Variants in PCDHA11 observed in about 807,000 individuals in gnomAD.
PCDHA11 encodes protocadherin alpha-11.
Under a neutral mutation model 70.3 loss-of-function variants are expected in PCDHA11, and 61 were observed. The observed-to-expected ratio is 0.87, with a 90% CI of 0.71 to 1.07. PCDHA11 has a LOEUF of 1.07. PCDHA11 is among the 50% of genes least tolerant of loss of function. The pLI is 0.00. For synonymous variants in PCDHA11, 633 were observed against 555.1 expected (o/e 1.14, Z -1.97); for missense variants, 1,324 against 1,237.5 (o/e 1.07, Z -1.05).
intron 3 of PCDHA11, among the ~76,000 whole-genome samples, chr5:140,993,560 A>G (rs2097572904): frequency 6.6e-6 from 1 of 151,740 alleles, no homozygotes; most frequent in Non-Finnish European, 1.5e-5. Context: ...AGTATATAGT[A>G]TCCTTTCTAG....
chr5:140,875,947 G>C (rs1554168112), intron 1 of PCDHA11: 1 of 1,614,184 alleles, frequency 6.2e-7, no homozygotes, highest in Admixed American at 1.7e-5. Flanking sequence ...GGGCGCTTCT[G>C]ATGCGGATAT....
At chr5:140,967,239 G>C in intron 1 of PCDHA11, 1 of 1,613,672 alleles carries the variant, frequency 6.2e-7, no homozygotes, top group Non-Finnish European at 8.5e-7. Flanking sequence ...CTTCAGGTAA[G>C]CGAATCGGTG....
chr5:140,935,550 C>G (rs1419018426), intron 1 of PCDHA11, among the ~76,000 whole-genome samples: 2 of 152,156 alleles, frequency 1.3e-5, no homozygotes, highest in African/African-American at 4.8e-5. Flanking sequence ...TTTAAAGTAT[C>G]TTGGAAAAGT....
chr5:140,871,762 G>A (rs2053295572), intron 1 of PCDHA11, among the ~76,000 whole-genome samples: 1 of 152,200 alleles, frequency 6.6e-6, no homozygotes, highest in South Asian at 2.1e-4. Flanking sequence ...AGATGCAAGA[G>A]TGACTCTTCT....
intron 1 of PCDHA11, chr5:140,966,642 G>A (rs897727830): frequency 8.9e-7 from 1 of 1,117,790 alleles, no homozygotes; most frequent in East Asian, 3.1e-5. Flanking sequence ...GCGCTTTCTA[G>A]AGCGTGAGCG....
At chr5:140,998,112 T>A (rs1554256165) in intron 3 of PCDHA11, among the ~76,000 whole-genome samples, 2 of 152,152 alleles carry the variant, frequency 1.3e-5, no homozygotes, top group Non-Finnish European at 2.9e-5. Context: ...AGGAGAAAAT[T>A]TACTTGTGAA....
At chr5:140,876,493 C>G in intron 1 of PCDHA11, 1 of 1,614,008 alleles carries the variant, frequency 6.2e-7, no homozygotes, top group South Asian at 1.1e-5. Flanking sequence ...GGTGGAAGTT[C>G]TGGACGTGAA....
intron 1 of PCDHA11, chr5:140,926,754 C>T: frequency 1.6e-6 from 2 of 1,283,492 alleles, no homozygotes; most frequent in Non-Finnish European, 2.0e-6. Flanking sequence ...TCGGCGGTCG[C>T]TGAGTATCCA....
intron 1 of PCDHA11, chr5:140,926,974 G>T (rs145276602): frequency 2.2e-4 from 360 of 1,610,140 alleles, no homozygotes; most frequent in Middle Eastern, 1.2e-3. Context: ...CTCAGTGCCG[G>T]AGGAGACGGA....
intron 1 of PCDHA11, among the ~76,000 whole-genome samples, chr5:140,912,858 A>G (rs1554195572): frequency 6.6e-6 from 1 of 152,192 alleles, no homozygotes; most frequent in East Asian, 1.9e-4. Context: ...ATCAATTGAA[A>G]TGATATATGG....
chr5:140,966,800 G>T, intron 1 of PCDHA11: 1 of 1,540,654 alleles, frequency 6.5e-7, no homozygotes, highest in East Asian at 2.4e-5. Flanking sequence ...TGCGGCGACA[G>T]AGCATCCACG....
chr5:140,939,863 G>C (rs2092478768), intron 1 of PCDHA11, among the ~76,000 whole-genome samples: 1 of 152,064 alleles, frequency 6.6e-6, no homozygotes, highest in Non-Finnish European at 1.5e-5. Flanking sequence ...ATGTCCATTA[G>C]GTCATCTTTG....
intron 1 of PCDHA11, among the ~76,000 whole-genome samples, chr5:140,954,472 G>T (rs1031225118): frequency 8.5e-5 from 13 of 152,182 alleles, no homozygotes; most frequent in Admixed American, 6.5e-5. Context: ...TCTGACTGGT[G>T]TGAGAAGATA....
intron 1 of PCDHA11, among the ~76,000 whole-genome samples, chr5:140,911,647 G>A (rs1554194849): frequency 2.0e-5 from 3 of 152,160 alleles, no homozygotes; most frequent in African/African-American, 7.2e-5. Flanking sequence ...ATTACATATA[G>A]AGTTACTAAA....
chr5:140,882,059 A>C, intron 1 of PCDHA11: 1 of 799,024 alleles, frequency 1.3e-6, no homozygotes, highest in Non-Finnish European at 1.9e-6. Flanking sequence ...TTACACTTAC[A>C]CGTTCATGCG....
intron 1 of PCDHA11, among the ~76,000 whole-genome samples, chr5:140,920,357 A>G (rs782419559): frequency 5.3e-5 from 8 of 151,994 alleles, no homozygotes; most frequent in Non-Finnish European, 8.8e-5. Context: ...TGCTAGTTCT[A>G]TTCATTTATT....
chr5:140,999,044 T>TTTC (rs1247197667), intron 3 of PCDHA11, among the ~76,000 whole-genome samples: 1 of 152,342 alleles, frequency 6.6e-6, no homozygotes, highest in East Asian at 1.9e-4. Flanking sequence ...TCCAGTGTGC[T>TTTC]TTCCACCATG....
chr5:140,989,253 G>C (rs886150768), intron 3 of PCDHA11, among the ~76,000 whole-genome samples: 1 of 152,194 alleles, frequency 6.6e-6, no homozygotes, highest in Non-Finnish European at 1.5e-5. Flanking sequence ...CTTGTCAAAA[G>C]GGAGATTCAA....
At chr5:140,875,342 A>C in intron 1 of PCDHA11, 1 of 1,443,152 alleles carries the variant, frequency 6.9e-7, no homozygotes, top group Non-Finnish European at 9.1e-7. Context: ...GATCGACTCC[A>C]TAATGACTGT....
Sources: gnomAD v4.1 joint callset for allele counts (sites outside exome capture counted in the v4.1 genomes callset) on GRCh38, gnomAD v4.1.1 for gene constraint, MANE v1.5 for transcripts, NCBI Gene and HGNC (gene_info 2026-07-23, HGNC 2026-07-21) for gene names.